The following DIAPH3 variants were observed in gnomAD, a reference collection of about 807,000 sequenced individuals.
The protein encoded by DIAPH3 is diaphanous related formin 3, also known as protein diaphanous homolog 3.
Under a neutral mutation model 144.3 loss-of-function variants are expected in DIAPH3, and 117 were observed. The ratio of observed to expected loss-of-function variants is 0.81; its 90% CI spans 0.70 to 0.95. The LOEUF is 0.95. DIAPH3 is among the 40% of genes least tolerant of loss of function. The pLI is 0.00. For missense variants in DIAPH3, 1,421 were observed against 1,412.7 expected (o/e 1.01, Z -0.09); for synonymous variants, 519 against 488.9 (o/e 1.06, Z -0.81).
intron 27 of DIAPH3, among the ~76,000 whole-genome samples, chr13:59,727,291 G>A (rs78859009): frequency 1.1e-3 from 167 of 149,924 alleles, no homozygotes; most frequent in African/African-American, 3.8e-3. Flanking sequence ...GTCACATAGA[G>A]CAAAAAAAAA....
At chr13:60,066,693 A>T (rs1488928744) in intron 4 of DIAPH3, among the ~76,000 whole-genome samples, 2 of 152,254 alleles carry the variant, frequency 1.3e-5, no homozygotes, top group Non-Finnish European at 2.9e-5. Context: ...AAAATTACAT[A>T]ATCCCTGCCC....
At chr13:59,962,517 A>T (rs2049823768) in intron 17 of DIAPH3, among the ~76,000 whole-genome samples, 1 of 152,150 alleles carries the variant, frequency 6.6e-6, no homozygotes, top group South Asian at 2.1e-4. Flanking sequence ...AGTCCAGGCC[A>T]CACTCCTCCT....
intron 20 of DIAPH3, among the ~76,000 whole-genome samples, chr13:59,880,057 G>A (rs988645487): frequency 1.3e-5 from 2 of 152,108 alleles, no homozygotes; most frequent in East Asian, 3.9e-4. Context: ...TCAGAGTTAG[G>A]AAACATGGGA....
chr13:59,895,615 A>G (rs2140145185), intron 20 of DIAPH3, among the ~76,000 whole-genome samples: 1 of 152,294 alleles, frequency 6.6e-6, no homozygotes, highest in South Asian at 2.1e-4. Context: ...TGGGGCCAAA[A>G]CACTACCACC....
At chr13:59,877,010 C>T (rs1445936410) in intron 21 of DIAPH3, among the ~76,000 whole-genome samples, 18 of 152,046 alleles carry the variant, frequency 1.2e-4, no homozygotes, top group Admixed American at 1.2e-3. Context: ...CCCTACATCC[C>T]CACTACATTC....
At position 59,911,833 on chromosome 13, in the gene DIAPH3, A is replaced by C; in HGVS notation, c.2269T>G (p.Leu757Val). The change falls in exon 20 of 28, where the codon TTA becomes GTA. Residue 757 changes from leucine (L) to valine (V), a missense_variant. By Grantham distance (32) the Leu-to-Val change is conservative. Transcript: ENST00000400324. Reference sequence around the variant, plus strand: ...TCTTGATCAGGAAGATGCTTTATTAAGTTCTAAAAATTAAAACCAGAAAGA... The same window carrying C: ...TCTTGATCAGGAAGATGCTTTATTACGTTCTAAAAATTAAAACCAGAAAGA... ...TRLAESMIQNLIKHLPDQEQL... is the reference protein window; with the variant it reads ...TRLAESMIQNVIKHLPDQEQL... 6.2e-7 allele frequency: 1 copy of C among 1,605,782 alleles called. No individual in the cohort carries two copies. The highest frequency in any genetic ancestry group is 8.5e-7 in the Non-Finnish European group (1 of 1,172,676).
At chr13:59,845,450 C>A (rs1593648458) in intron 22 of DIAPH3, among the ~76,000 whole-genome samples, 1 of 152,286 alleles carries the variant, frequency 6.6e-6, no homozygotes, top group Middle Eastern at 3.4e-3. Context: ...GGTTTCCAGA[C>A]AATCAGTAAA....
intron 18 of DIAPH3, among the ~76,000 whole-genome samples, chr13:59,920,462 T>C (rs890998265): frequency 6.6e-6 from 1 of 151,682 alleles, no homozygotes; most frequent in African/African-American, 2.4e-5. Context: ...GGATATTACA[T>C]AATAAAGTGA....
intron 5 of DIAPH3, among the ~76,000 whole-genome samples, chr13:60,026,568 T>A (rs1448293626): frequency 6.6e-6 from 1 of 152,128 alleles, no homozygotes; most frequent in Non-Finnish European, 1.5e-5. Flanking sequence ...GGGCTCCATA[T>A]GAAATGTCTA....
chr13:59,708,551 T>C (rs1347561368), intron 27 of DIAPH3, among the ~76,000 whole-genome samples: 1 of 152,206 alleles, frequency 6.6e-6, no homozygotes, highest in African/African-American at 2.4e-5. Flanking sequence ...TGAAATTCTT[T>C]CTTCCTTTGG....
At chr13:60,077,550 A>T (rs1266501116) in intron 4 of DIAPH3, among the ~76,000 whole-genome samples, 1 of 152,122 alleles carries the variant, frequency 6.6e-6, no homozygotes, top group African/African-American at 2.4e-5. Flanking sequence ...TTGCCATAAG[A>T]AAGTATGACT....
intron 27 of DIAPH3, among the ~76,000 whole-genome samples, chr13:59,681,221 AT>A (rs1036544248): frequency 6.6e-6 from 1 of 152,164 alleles, no homozygotes; most frequent in Non-Finnish European, 1.5e-5. Context: ...TAATCCCAAC[AT>A]TTTTTTGGGA....
intron 9 of DIAPH3, among the ~76,000 whole-genome samples, chr13:59,997,021 G>A (rs1418917428): frequency 6.6e-6 from 1 of 152,066 alleles, no homozygotes; most frequent in Non-Finnish European, 1.5e-5. Flanking sequence ...TATTGTACAT[G>A]AGAAATCTTG....
At chr13:60,024,760 C>G (rs2054267898) in intron 5 of DIAPH3, among the ~76,000 whole-genome samples, 1 of 152,140 alleles carries the variant, frequency 6.6e-6, no homozygotes, top group Admixed American at 6.5e-5. Context: ...TATGACACAG[C>G]TCCAGTGGAA....
chr13:60,031,578 G>T (rs554181771), intron 5 of DIAPH3, among the ~76,000 whole-genome samples: 1 of 152,132 alleles, frequency 6.6e-6, no homozygotes, highest in South Asian at 2.1e-4. Flanking sequence ...TTACTTACAA[G>T]CCTGTAAAAT....
At chr13:59,693,694 T>A (rs143747139) in intron 27 of DIAPH3, among the ~76,000 whole-genome samples, 31 of 152,258 alleles carry the variant, frequency 2.0e-4, no homozygotes, top group African/African-American at 6.7e-4. Context: ...AAAATGATAA[T>A]GTTTTTAATA....
chr13:59,903,524 A>C (rs1369851416), intron 20 of DIAPH3, among the ~76,000 whole-genome samples: 1 of 152,158 alleles, frequency 6.6e-6, no homozygotes, highest in Non-Finnish European at 1.5e-5. Flanking sequence ...TGAGTTAAAA[A>C]TCAGGAAAAC....
chr13:60,070,146 T>A (rs888734429), intron 4 of DIAPH3, among the ~76,000 whole-genome samples: 1 of 152,184 alleles, frequency 6.6e-6, no homozygotes, highest in African/African-American at 2.4e-5. Flanking sequence ...GTGTTGTCTC[T>A]AATTTATCTC....
chr13:60,162,930 T>G (rs1181230600), intron 1 of DIAPH3, among the ~76,000 whole-genome samples: 1 of 152,002 alleles, frequency 6.6e-6, no homozygotes, highest in Non-Finnish European at 1.5e-5. Context: ...CTATCAACCC[T>G]CTATGTGATT....
Sources: gnomAD v4.1 joint callset for allele counts (sites outside exome capture counted in the v4.1 genomes callset) on GRCh38, gnomAD v4.1.1 for gene constraint, MANE v1.5 for transcripts, NCBI Gene and HGNC (gene_info 2026-07-23, HGNC 2026-07-21) for gene names.